SPATA17: variants seen among roughly 807,000 people sequenced by gnomAD.
SPATA17 encodes spermatogenesis-associated protein 17.
SPATA17 carries 53 observed loss-of-function variants against 62.2 expected under a neutral mutation model. The observed-to-expected ratio is 0.85, with a 90% CI of 0.68 to 1.07. SPATA17 has a LOEUF of 1.07. Ranked by LOEUF, SPATA17 falls within the 50% of genes least tolerant of loss-of-function variation. The probability of loss-of-function intolerance (pLI) is 0.00; values close to 1 mark genes in which losing one functional copy is unlikely to be tolerated. For missense variants in SPATA17, 466 were observed against 425.5 expected (o/e 1.10, Z -0.84); for synonymous variants, 146 against 146.8 (o/e 0.99, Z 0.04).
At chr1:217,770,721 G>A (rs964017847) in intron 6 of SPATA17, among the ~76,000 whole-genome samples, 10 of 152,126 alleles carry the variant, frequency 6.6e-5, no homozygotes, top group Middle Eastern at 6.8e-3. Flanking sequence ...CAATTGTACC[G>A]TTTTAACACT....
chr1:217,748,480 A>G (rs566738864), intron 6 of SPATA17, among the ~76,000 whole-genome samples: 1 of 152,142 alleles, frequency 6.6e-6, no homozygotes, highest in Admixed American at 6.5e-5. Flanking sequence ...GCAGTGGCTC[A>G]CGCCTGTAAC....
intron 5 of SPATA17, among the ~76,000 whole-genome samples, chr1:217,733,601 T>G (rs1030446253): frequency 1.3e-5 from 2 of 152,238 alleles, no homozygotes; most frequent in African/African-American, 2.4e-5. Context: ...TACTACGGTT[T>G]AAACGTCTTT....
intron 9 of SPATA17, among the ~76,000 whole-genome samples, chr1:217,853,216 G>A (rs1161986237): frequency 6.6e-6 from 1 of 152,136 alleles, no homozygotes; most frequent in African/African-American, 2.4e-5. Flanking sequence ...TCTAGGTTTA[G>A]TAGAGGATCA....
At chr1:217,790,574 G>A (rs1673972881) in intron 8 of SPATA17, among the ~76,000 whole-genome samples, 1 of 152,074 alleles carries the variant, frequency 6.6e-6, no homozygotes, top group Admixed American at 6.5e-5. Context: ...CTGAGTAGCT[G>A]GGACTACAGG....
chr1:217,708,392 A>T (rs1671783325), intron 5 of SPATA17, among the ~76,000 whole-genome samples: 1 of 152,178 alleles, frequency 6.6e-6, no homozygotes, highest in African/African-American at 2.4e-5. Flanking sequence ...GACCCCACAG[A>T]AATACAGAAA....
At chr1:217,686,194 T>C (rs1671211076) in intron 5 of SPATA17, among the ~76,000 whole-genome samples, 1 of 152,144 alleles carries the variant, frequency 6.6e-6, no homozygotes, top group Non-Finnish European at 1.5e-5. Flanking sequence ...AGTAGATTTT[T>C]TGATATGGGG....
chr1:217,755,830 C>T (rs1673028236), intron 6 of SPATA17, among the ~76,000 whole-genome samples: 1 of 152,036 alleles, frequency 6.6e-6, no homozygotes, highest in South Asian at 2.1e-4. Context: ...ACTCACATCA[C>T]TGAAATTATT....
chr1:217,665,043 G>A (rs1670663644), intron 3 of SPATA17, among the ~76,000 whole-genome samples: 1 of 151,994 alleles, frequency 6.6e-6, no homozygotes, highest in Non-Finnish European at 1.5e-5. Context: ...GGAATAGGGA[G>A]GGATAATTGG....
chr1:217,782,149 T>TA (rs1673744718), intron 7 of SPATA17, 25 bp from the exon 8 acceptor site: 1 of 1,557,156 alleles, frequency 6.4e-7, no homozygotes, highest in Non-Finnish European at 8.7e-7. Context: ...CCATATAAAA[T>TA]ATGTTCCTCA....
intron 5 of SPATA17, among the ~76,000 whole-genome samples, chr1:217,724,220 A>G (rs980267753): frequency 1.3e-5 from 2 of 152,220 alleles, no homozygotes; most frequent in East Asian, 3.8e-4. Context: ...TCTGCAAGAA[A>G]TTATTTGCAT....
chr1:217,735,860 A>G (rs180721925), intron 5 of SPATA17, among the ~76,000 whole-genome samples: 11 of 152,032 alleles, frequency 7.2e-5, no homozygotes, highest in African/African-American at 2.4e-4. Flanking sequence ...TATTATGGTG[A>G]ACAAAGCATT....
rs55714817 is a variant in SPATA17 at position 217,779,144 on chromosome 1, TTG to T, written c.724-3002_724-3001del. Among the ~76,000 whole-genome samples the T allele has an allele frequency of 4.3e-3, 637 of 148,516 alleles. 5 individuals carry two copies. Among genetic ancestry groups the T allele is most frequent in the African/African-American group, 0.011 (433 of 40,366 alleles). On this transcript the variant is annotated intron_variant, in intron 7 of 10. Coordinates refer to ENST00000366933, the MANE Select transcript of SPATA17 (RefSeq NM_138796.4). ...AAAATACACACATTTGTAAAACAAC[TTG>T]TGTGTGTGTGTGTGTGTGTGTGTGT...
intron 5 of SPATA17, among the ~76,000 whole-genome samples, chr1:217,719,881 T>C (rs911308330): frequency 6.6e-6 from 1 of 152,160 alleles, no homozygotes; most frequent in African/African-American, 2.4e-5. Context: ...TGAGACGTCA[T>C]GGGCGAGAGC....
chr1:217,823,820 G>T (rs1027561857), intron 9 of SPATA17, among the ~76,000 whole-genome samples: 26 of 151,754 alleles, frequency 1.7e-4, no homozygotes, highest in Non-Finnish European at 5.9e-5. Flanking sequence ...TTTTTTGATG[G>T]TCATATCATT....
chr1:217,774,463 T>A lies in SPATA17; in HGVS notation c.649T>A (p.Trp217Arg). 1 of 1,614,138 alleles carries A rather than the reference T, an allele frequency of 6.2e-7. No individual in the cohort carries two copies. The highest frequency in any genetic ancestry group is 8.5e-7 in the Non-Finnish European group (1 of 1,180,008). ...GAAGGACTCCACCAGCCTTACTGAT[T>A]GGCTAGCTTGTACAAGCGCCCGTTC... Reference protein sequence around the residue: ...KQKDSTSLTDWLACTSARSFP... With the variant: ...KQKDSTSLTDRLACTSARSFP... The change falls in exon 7 of 11, where the codon TGG becomes AGG. Residue 217 changes from tryptophan (W) to arginine (R), a missense_variant. Coordinates refer to ENST00000366933, the MANE Select transcript of SPATA17 (RefSeq NM_138796.4).
At chr1:217,724,413 C>A (rs1005780012) in intron 5 of SPATA17, among the ~76,000 whole-genome samples, 9 of 151,836 alleles carry the variant, frequency 5.9e-5, no homozygotes, top group South Asian at 2.1e-4. Context: ...CATGGTGAAA[C>A]CCCGTCTCTA....
intron 9 of SPATA17, among the ~76,000 whole-genome samples, chr1:217,843,026 C>G (rs1445218916): frequency 6.6e-6 from 1 of 151,372 alleles, no homozygotes; most frequent in Non-Finnish European, 1.5e-5. Flanking sequence ...TGGAGATTTC[C>G]CAGTTATATT....
At chr1:217,758,407 T>G (rs1673097011) in intron 6 of SPATA17, among the ~76,000 whole-genome samples, 1 of 152,196 alleles carries the variant, frequency 6.6e-6, no homozygotes, top group African/African-American at 2.4e-5. Flanking sequence ...TTTGAACAGC[T>G]GAAAGGTACT....
At chr1:217,807,649 C>A (rs2102990403) in intron 9 of SPATA17, among the ~76,000 whole-genome samples, 1 of 151,536 alleles carries the variant, frequency 6.6e-6, no homozygotes, top group Middle Eastern at 3.4e-3. Flanking sequence ...TATTTATTGC[C>A]CATATTACAA....
Sources: allele counts gnomAD v4.1 joint callset (sites outside exome capture counted in the v4.1 genomes callset), GRCh38; gene constraint gnomAD v4.1.1; transcripts MANE v1.5; gene names NCBI Gene and HGNC (gene_info 2026-07-23, HGNC 2026-07-21).